The following CNTN5 variants were observed in gnomAD, a reference collection of about 807,000 sequenced individuals.
The protein encoded by CNTN5 is contactin 5.
A neutral mutation model predicts 129.1 loss-of-function variants in CNTN5; 77 were observed. The ratio of observed to expected loss-of-function variants is 0.60; its 90% CI spans 0.50 to 0.72. The LOEUF is 0.72. Among genes scored for constraint, CNTN5 ranks in the 30% least tolerant of loss-of-function variants. CNTN5 has a pLI of 0.00. For missense variants in CNTN5, 1,478 were observed against 1,328.8 expected, an observed-to-expected ratio of 1.11 and a Z score of -1.75; for synonymous variants, 509 against 465.6, an observed-to-expected ratio of 1.09 and a Z score of -1.20.
At chr11:99,656,431 AATG>A (rs1386033383) in intron 3 of CNTN5, among the ~76,000 whole-genome samples, 3 of 152,144 alleles carry the variant, frequency 2.0e-5, no homozygotes, top group Non-Finnish European at 4.4e-5. Context: ...AGTTCATAGA[AATG>A]ATGATGCAAA....
intron 3 of CNTN5, among the ~76,000 whole-genome samples, chr11:99,746,111 C>T (rs1170852149): frequency 1.3e-5 from 2 of 152,192 alleles, no homozygotes; most frequent in East Asian, 3.8e-4. Context: ...TTTAAAAGAA[C>T]AACTGTGCAT....
At chr11:99,926,425 A>G (rs2136056049) in intron 7 of CNTN5, among the ~76,000 whole-genome samples, 1 of 152,314 alleles carries the variant, frequency 6.6e-6, no homozygotes, top group Admixed American at 6.5e-5. Flanking sequence ...AATAAATACC[A>G]GAAATTGTTC....
At chr11:99,291,411 A>C (rs550980942) in intron 1 of CNTN5, among the ~76,000 whole-genome samples, 3 of 150,910 alleles carry the variant, frequency 2.0e-5, no homozygotes, top group African/African-American at 7.2e-5. Context: ...AAATTGTTTA[A>C]AACAGCATTT....
At chr11:99,228,295 T>G (rs543394792) in intron 1 of CNTN5, among the ~76,000 whole-genome samples, 43 of 152,174 alleles carry the variant, frequency 2.8e-4, no homozygotes, top group Non-Finnish European at 5.1e-4. Flanking sequence ...GAGAGTAGAA[T>G]GATAGTAGAA....
chr11:99,917,999 AATTGCCAT>A (rs918947638), intron 7 of CNTN5, among the ~76,000 whole-genome samples: 35 of 151,874 alleles, frequency 2.3e-4, no homozygotes, highest in Admixed American at 8.5e-4. Flanking sequence ...GCAGTCTCTC[AATTGCCAT>A]ATTTACAAGC....
chr11:99,533,124 G>A (rs2135473782), intron 2 of CNTN5, among the ~76,000 whole-genome samples: 1 of 152,356 alleles, frequency 6.6e-6, no homozygotes, highest in South Asian at 2.1e-4. Context: ...TCAGGAGTCT[G>A]AGGCCAGAGA....
At chr11:99,732,067 T>A (rs1325694175) in intron 3 of CNTN5, among the ~76,000 whole-genome samples, 3 of 152,196 alleles carry the variant, frequency 2.0e-5, no homozygotes, top group Admixed American at 1.3e-4. Flanking sequence ...AGGATGTAGA[T>A]ACAAAGAAGA....
rs1186386021 is a variant in CNTN5, at chr11:99,358,255, A to ATTTTTTTTTTTTTTTTTTTT, written c.-71+32772_-71+32791dup. 6.2e-4 allele frequency among the ~76,000 whole-genome samples: 29 copies of ATTTTTTTTTTTTTTTTTTTT among 46,924 alleles called. 6 individuals carry two copies. Among genetic ancestry groups the ATTTTTTTTTTTTTTTTTTTT allele is most frequent in the Non-Finnish European group, 9.1e-4 (22 of 24,096 alleles). The allele number at this position is 46,924 out of a possible 152,430, so 30.8% of individuals were successfully genotyped here. ...AGGCGCCCGCCACCACGCCCTGCTG[A>ATTTTTTTTTTTTTTTTTTTT]TTTTTTTTTTTTTTTTTTTTAGTAG... On this transcript the variant is annotated intron_variant, in intron 2 of 24. Coordinates refer to ENST00000524871, the MANE Select transcript of CNTN5 (RefSeq NM_014361.4).
intron 2 of CNTN5, among the ~76,000 whole-genome samples, chr11:99,547,940 G>T (rs529510950): frequency 6.6e-6 from 1 of 152,042 alleles, no homozygotes; most frequent in African/African-American, 2.4e-5. Flanking sequence ...ACCTTTCTGT[G>T]CCCCAGCTTC....
chr11:100,344,095 A>T (rs1272876946), intron 23 of CNTN5, among the ~76,000 whole-genome samples: 1 of 151,906 alleles, frequency 6.6e-6, no homozygotes, highest in Non-Finnish European at 1.5e-5. Context: ...CTTAATTTTC[A>T]CTCTTTGTCT....
intron 16 of CNTN5, among the ~76,000 whole-genome samples, chr11:100,243,529 T>G (rs1379658534): frequency 1.3e-5 from 2 of 152,210 alleles, no homozygotes; most frequent in Admixed American, 6.5e-5. Context: ...TTGCCCTGAG[T>G]GTCACATAGA....
At chr11:100,236,174 A>G (rs560165471) in intron 16 of CNTN5, among the ~76,000 whole-genome samples, 1 of 152,238 alleles carries the variant, frequency 6.6e-6, no homozygotes, top group South Asian at 2.1e-4. Context: ...AGTCAACATA[A>G]ATAAACAAGG....
intron 2 of CNTN5, among the ~76,000 whole-genome samples, chr11:99,510,252 T>C (rs187696215): frequency 6.6e-6 from 1 of 152,132 alleles, no homozygotes; most frequent in Admixed American, 6.5e-5. Flanking sequence ...AATGAAACAA[T>C]GAGACCTTTG....
chr11:99,698,184 G>T, intron 3 of CNTN5, among the ~76,000 whole-genome samples: 1 of 149,568 alleles, frequency 6.7e-6, no homozygotes, highest in Non-Finnish European at 1.5e-5. Flanking sequence ...ATTATTCAGT[G>T]TATTTTCTGT....
At chr11:99,738,983 C>T (rs1467311141) in intron 3 of CNTN5, among the ~76,000 whole-genome samples, 1 of 152,144 alleles carries the variant, frequency 6.6e-6, no homozygotes, top group Non-Finnish European at 1.5e-5. Context: ...AGATACCTTA[C>T]AAGGCCCAGA....
intron 1 of CNTN5, among the ~76,000 whole-genome samples, chr11:99,063,562 A>C (rs1229282087): frequency 1.3e-5 from 2 of 151,738 alleles, no homozygotes; most frequent in African/African-American, 4.8e-5. Context: ...ACGCATGAGC[A>C]TATGTGTGCC....
intron 9 of CNTN5, among the ~76,000 whole-genome samples, chr11:100,016,998 G>T (rs1371541108): frequency 6.6e-6 from 1 of 151,734 alleles, no homozygotes; most frequent in Non-Finnish European, 1.5e-5. Flanking sequence ...TAGTCGATGA[G>T]AACATATGTC....
chr11:99,694,080 T>C (rs611301), intron 3 of CNTN5, among the ~76,000 whole-genome samples: 148,508 of 152,016 alleles, frequency 0.98, 72,642 homozygotes, highest in East Asian at 1. Context: ...ATAAGTACTT[T>C]GATGTTGTTG....
intron 2 of CNTN5, among the ~76,000 whole-genome samples, chr11:99,496,197 A>C (rs1946217766): frequency 6.6e-6 from 1 of 152,192 alleles, no homozygotes; most frequent in South Asian, 2.1e-4. Flanking sequence ...GAGAAGCGTG[A>C]CGAGGACTGA....
Sources: gnomAD v4.1 joint callset for allele counts (sites outside exome capture counted in the v4.1 genomes callset) on GRCh38, gnomAD v4.1.1 for gene constraint, MANE v1.5 for transcripts, NCBI Gene and HGNC (gene_info 2026-07-23, HGNC 2026-07-21) for gene names.